Variants in CNTNAP4 observed in about 807,000 individuals in gnomAD.
CNTNAP4 encodes contactin-associated protein-like 4.
In CNTNAP4, 98 loss-of-function variants were observed where a neutral mutation model predicts 148.4. The ratio of observed to expected loss-of-function variants is 0.66; its 90% CI spans 0.56 to 0.78. The LOEUF (loss-of-function observed/expected upper bound fraction) is 0.78. Ranked by LOEUF, CNTNAP4 falls within the 30% of genes least tolerant of loss-of-function variation. CNTNAP4 has a pLI of 0.00. For synonymous variants in CNTNAP4, 730 were observed against 565.1 expected (o/e 1.29, Z -4.14); for missense variants, 1,935 against 1,565.6 (o/e 1.24, Z -3.98).
At chr16:76,507,107 A>T (rs1246937111) in intron 15 of CNTNAP4, among the ~76,000 whole-genome samples, 1 of 96,742 alleles carries the variant, frequency 1.0e-5, no homozygotes, top group African/African-American at 2.6e-5. Context: ...TACATAATAG[A>T]TGTATATATT....
intron 18 of CNTNAP4, 60 bp from the exon 19 acceptor site, chr16:76,538,056 C>T: frequency 1.3e-6 from 1 of 767,926 alleles, no homozygotes; most frequent in Non-Finnish European, 1.8e-6. Context: ...ATTATTGTAA[C>T]TAAAACAAAA....
intron 4 of CNTNAP4, among the ~76,000 whole-genome samples, chr16:76,438,851 C>T (rs759244081): frequency 6.6e-6 from 1 of 152,142 alleles, no homozygotes; most frequent in African/African-American, 2.4e-5. Flanking sequence ...TTTAAATCTC[C>T]GTGTTCAAAA....
intron 13 of CNTNAP4, among the ~76,000 whole-genome samples, chr16:76,491,128 G>GC (rs1167559398): frequency 1.3e-5 from 2 of 151,952 alleles, no homozygotes; most frequent in Non-Finnish European, 1.5e-5. Context: ...CTGCCCCCTT[G>GC]CCCTTCTTCT....
chr16:76,558,447 T>G, intron 23 of CNTNAP4, 43 bp from the exon 24 acceptor site: 1 of 1,198,506 alleles, frequency 8.3e-7, no homozygotes, highest in Non-Finnish European at 1.2e-6. Flanking sequence ...ACAGTTTCTA[T>G]TTGGACAGAA....
At chr16:76,296,138 A>T (rs1346436269) in intron 1 of CNTNAP4, among the ~76,000 whole-genome samples, 1 of 152,234 alleles carries the variant, frequency 6.6e-6, no homozygotes, top group Non-Finnish European at 1.5e-5. Context: ...TATTGAGTAA[A>T]ATCTTTCTGA....
intron 8 of CNTNAP4, among the ~76,000 whole-genome samples, chr16:76,461,025 A>G (rs2080941216): frequency 6.6e-6 from 1 of 151,834 alleles, no homozygotes; most frequent in African/African-American, 2.4e-5. Flanking sequence ...TAATGTTGTC[A>G]ATTCATTAAC....
intron 3 of CNTNAP4, among the ~76,000 whole-genome samples, chr16:76,367,063 A>G (rs2014228325): frequency 6.6e-6 from 1 of 151,788 alleles, no homozygotes; most frequent in Non-Finnish European, 1.5e-5. Flanking sequence ...ATATATATTA[A>G]TTAAAACTTA....
intron 1 of CNTNAP4, among the ~76,000 whole-genome samples, chr16:76,279,373 G>T (rs561552086): frequency 6.6e-6 from 1 of 152,274 alleles, no homozygotes; most frequent in South Asian, 2.1e-4. Context: ...GTTTATGTTT[G>T]CTTGTTTTCT....
intron 1 of CNTNAP4, among the ~76,000 whole-genome samples, chr16:76,303,393 A>G (rs1960177223): frequency 1.3e-5 from 2 of 152,232 alleles, no homozygotes; most frequent in African/African-American, 2.4e-5. Flanking sequence ...ACATTTGTTC[A>G]GTGATGTTGA....
intron 1 of CNTNAP4, among the ~76,000 whole-genome samples, chr16:76,294,075 T>C (rs1959182622): frequency 6.6e-6 from 1 of 152,148 alleles, no homozygotes; most frequent in African/African-American, 2.4e-5. Flanking sequence ...AAATAAATTA[T>C]CAGAGATTTT....
At chr16:76,432,908 C>A (rs940898019) in intron 4 of CNTNAP4, among the ~76,000 whole-genome samples, 1 of 152,102 alleles carries the variant, frequency 6.6e-6, no homozygotes, top group African/African-American at 2.4e-5. Context: ...TTTTTCTAGC[C>A]TTAGGGTTTC....
intron 12 of CNTNAP4, among the ~76,000 whole-genome samples, chr16:76,481,660 CAA>C: frequency 6.6e-6 from 1 of 152,184 alleles, no homozygotes; most frequent in South Asian, 2.1e-4. Context: ...TGTTAGAAGT[CAA>C]TATTTTATGG....
At chr16:76,435,158 C>T (rs1049847132) in intron 4 of CNTNAP4, among the ~76,000 whole-genome samples, 5 of 152,140 alleles carry the variant, frequency 3.3e-5, no homozygotes, top group Non-Finnish European at 1.5e-5. Flanking sequence ...TCAAGGGGTT[C>T]TGGGTCTGTA....
chr16:76,439,266 G>A (rs1444630953), intron 4 of CNTNAP4, among the ~76,000 whole-genome samples: 2 of 152,124 alleles, frequency 1.3e-5, no homozygotes, highest in Non-Finnish European at 2.9e-5. Flanking sequence ...AATCACAAAT[G>A]TATTACATTC....
At chr16:76,525,150 C>T (rs1295846284) in intron 17 of CNTNAP4, among the ~76,000 whole-genome samples, 2 of 151,986 alleles carry the variant, frequency 1.3e-5, no homozygotes, top group African/African-American at 4.8e-5. Context: ...CAATTTACAA[C>T]ATTACTATCA....
At chr16:76,420,603 T>C (rs571116824) in intron 3 of CNTNAP4, among the ~76,000 whole-genome samples, 176 of 152,024 alleles carry the variant, frequency 1.2e-3, no homozygotes, top group African/African-American at 4.1e-3. Context: ...CTGTAAAATA[T>C]TCTCTTCTTT....
At chr16:76,414,515 A>C (rs1246082474) in intron 3 of CNTNAP4, among the ~76,000 whole-genome samples, 2 of 151,122 alleles carry the variant, frequency 1.3e-5, no homozygotes, top group Non-Finnish European at 3.0e-5. Context: ...TCAGATTTTA[A>C]TATCAGGGTT....
At position 76,373,734 on chromosome 16, in the gene CNTNAP4, A is replaced by C. The variant is rs147224762; in HGVS notation, c.390+18223A>C. On this transcript the variant is annotated intron_variant, in intron 3 of 23. Coordinates refer to ENST00000611870, the MANE Select transcript of CNTNAP4 (RefSeq NM_033401.5). Reference sequence around the variant, plus strand: ...ACATGGTGAAACCCTATCTCTACTAAAAATACAAAAATTAGCCAGGCATGG... The same window carrying C: ...ACATGGTGAAACCCTATCTCTACTACAAATACAAAAATTAGCCAGGCATGG... Among the ~76,000 whole-genome samples, 1,321 of 151,974 alleles carry C rather than the reference A, an allele frequency of 8.7e-3. 15 individuals are homozygous for C. Among genetic ancestry groups the C allele is most frequent in the African/African-American group, 0.025 (1,050 of 41,438 alleles).
intron 9 of CNTNAP4, among the ~76,000 whole-genome samples, chr16:76,466,892 C>G (rs1431003043): frequency 6.6e-6 from 1 of 151,922 alleles, no homozygotes; most frequent in East Asian, 1.9e-4. Context: ...CAAGAGAACC[C>G]ATTTTCCAAA....
Sources: allele counts gnomAD v4.1 joint callset (sites outside exome capture counted in the v4.1 genomes callset), GRCh38; gene constraint gnomAD v4.1.1; transcripts MANE v1.5; gene names NCBI Gene and HGNC (gene_info 2026-07-23, HGNC 2026-07-21).